Variants in LYRM4 observed in about 807,000 individuals in gnomAD.
The protein encoded by LYRM4 is LYR motif-containing protein 4.
A neutral mutation model predicts 11.7 loss-of-function variants in LYRM4; 9 were observed. The observed-to-expected ratio is 0.77, with a 90% CI of 0.46 to 1.34. The LOEUF is 1.34. LYRM4 is among the 40% of genes most tolerant of loss of function. The pLI is 0.00. For synonymous variants in LYRM4, 42 were observed against 40.4 expected (o/e 1.04, Z -0.15); for missense variants, 133 against 112.5 (o/e 1.18, Z -0.82).
At chr6:5,183,830 C>T (rs1419576202) in intron 2 of LYRM4, among the ~76,000 whole-genome samples, 1 of 152,188 alleles carries the variant, frequency 6.6e-6, no homozygotes, top group Non-Finnish European at 1.5e-5. Flanking sequence ...TAGTAAGAAC[C>T]ACTGCAGATC....
intron 2 of LYRM4, among the ~76,000 whole-genome samples, chr6:5,165,177 C>T (rs199646608): frequency 2.6e-5 from 4 of 152,234 alleles, no homozygotes; most frequent in East Asian, 3.9e-4. Flanking sequence ...ATAAAAGTTA[C>T]ACCATATTCC....
chr6:5,257,613 C>T (rs1203708473), intron 1 of LYRM4, among the ~76,000 whole-genome samples: 1 of 152,190 alleles, frequency 6.6e-6, no homozygotes, highest in Non-Finnish European at 1.5e-5. Flanking sequence ...GCATTATGGC[C>T]TGAGCTCCAT....
At chr6:5,047,898 G>T in the LYRM4 span, among the ~76,000 whole-genome samples, 1 of 152,194 alleles carries the variant, frequency 6.6e-6, no homozygotes, top group Non-Finnish European at 1.5e-5. Context: ...CTGTGCCCTG[G>T]GTGGGGGTTA....
At chr6:5,150,252 T>C (rs955784271) in intron 2 of LYRM4, among the ~76,000 whole-genome samples, 2 of 152,350 alleles carry the variant, frequency 1.3e-5, no homozygotes, top group East Asian at 3.9e-4. Flanking sequence ...TCAAAGTTTC[T>C]AATGGCAAAC....
the LYRM4 span, among the ~76,000 whole-genome samples, chr6:5,065,263 T>TTACTG: frequency 0.29 from 44,263 of 151,900 alleles, 6,586 homozygotes; most frequent in Middle Eastern, 0.39. Flanking sequence ...TATGCATTCA[T>TTACTG]TACTGAAGGA....
chr6:5,148,644 G>C (rs910525949), intron 2 of LYRM4, among the ~76,000 whole-genome samples: 6 of 123,876 alleles, frequency 4.8e-5, no homozygotes, highest in African/African-American at 1.8e-4. Context: ...GACAGGTAAT[G>C]ACCTTTACAC....
chr6:5,086,008 G>C, the LYRM4 span: 3 of 1,517,902 alleles, frequency 2.0e-6, no homozygotes, highest in Admixed American at 4.0e-5. Flanking sequence ...CGAGGACCTG[G>C]AGCAGCTCGG....
intron 2 of LYRM4, among the ~76,000 whole-genome samples, chr6:5,115,472 T>C (rs1427707725): frequency 6.6e-6 from 1 of 152,220 alleles, no homozygotes; most frequent in Non-Finnish European, 1.5e-5. Flanking sequence ...TCTCCTGTTG[T>C]GTGGCCCTCT....
At chr6:5,049,964 G>A in the LYRM4 span, among the ~76,000 whole-genome samples, 29 of 152,350 alleles carry the variant, frequency 1.9e-4, 1 homozygote, top group East Asian at 5.2e-3. Context: ...CACCATGCCC[G>A]GCCTGGGCAG....
rs188185554 is a variant in LYRM4, at chr6:5,197,909, C to T, written c.207+18709G>A. 6.5e-3 allele frequency among the ~76,000 whole-genome samples: 977 copies of T among 151,002 alleles called. 4 individuals are homozygous for T. The highest frequency in any genetic ancestry group is 0.022 in the African/African-American group (909 of 40,690). ...AGGCAGCGCCGGGTGCGGTGGCTCACGCCTGTAATCCAGCACTTTGGGAGG... is the reference window on the plus strand; with the variant it reads ...AGGCAGCGCCGGGTGCGGTGGCTCATGCCTGTAATCCAGCACTTTGGGAGG... On this transcript the variant is annotated intron_variant, in intron 2 of 2. Coordinates refer to ENST00000330636, the MANE Select transcript of LYRM4 (RefSeq NM_020408.6).
chr6:5,197,923 C>T lies in LYRM4; in HGVS notation c.207+18695G>A, dbSNP rs1020228953. On this transcript the variant is annotated intron_variant, in intron 2 of 2. Transcript: ENST00000330636. ...GCGGTGGCTCACGCCTGTAATCCAG[C>T]ACTTTGGGAGGCTGAGGTGGGCGGA... Among the ~76,000 whole-genome samples the T allele has an allele frequency of 6.6e-5, 10 of 152,104 alleles. No individual in the cohort carries two copies. In the Middle Eastern group the frequency reaches 0.01, roughly 156 times the overall value.
the LYRM4 span, among the ~76,000 whole-genome samples, chr6:5,050,802 C>G: frequency 2.0e-5 from 3 of 152,132 alleles, no homozygotes; most frequent in Non-Finnish European, 4.4e-5. Context: ...ACAAAGCATA[C>G]AAACAGAAAA....
chr6:5,085,352 C>G, the LYRM4 span: 3 of 643,734 alleles, frequency 4.7e-6, no homozygotes, highest in Non-Finnish European at 5.2e-6. Context: ...GTTGTCTTGT[C>G]GAGCCTGGGG....
the LYRM4 span, among the ~76,000 whole-genome samples, chr6:5,071,961 T>G: frequency 6.6e-6 from 1 of 152,156 alleles, no homozygotes; most frequent in Non-Finnish European, 1.5e-5. Flanking sequence ...CTGTTCTTCC[T>G]GATCCTCTCC....
chr6:5,107,328 C>T (rs974477179), downstream of LYRM4: 1 of 152,228 alleles, frequency 6.6e-6, no homozygotes, highest in African/African-American at 2.4e-5. Context: ...GAGCTGTTAT[C>T]TTGCCGGCAA....
chr6:5,065,371 A>G, the LYRM4 span, among the ~76,000 whole-genome samples: 2 of 152,152 alleles, frequency 1.3e-5, no homozygotes, highest in African/African-American at 4.8e-5. Flanking sequence ...ATTAAAATTT[A>G]AACAATTTCA....
At chr6:5,142,814 G>A (rs1344485381) in intron 2 of LYRM4, among the ~76,000 whole-genome samples, 2 of 152,146 alleles carry the variant, frequency 1.3e-5, no homozygotes, top group African/African-American at 4.8e-5. Flanking sequence ...AGCCCAGGAT[G>A]CTTTCCCTAC....
chr6:5,202,862 T>G (rs750256878), intron 2 of LYRM4, among the ~76,000 whole-genome samples: 1 of 152,224 alleles, frequency 6.6e-6, no homozygotes, highest in Non-Finnish European at 1.5e-5. Context: ...TTCAAGTTTG[T>G]GGAATCTAGT....
intron 2 of LYRM4, among the ~76,000 whole-genome samples, chr6:5,151,064 A>G (rs182143242): frequency 6.7e-6 from 1 of 150,008 alleles, no homozygotes; most frequent in East Asian, 2.0e-4. Context: ...GGGCTCCAAA[A>G]TGCCTTTTGT....
Sources: gnomAD v4.1 joint callset for allele counts (sites outside exome capture counted in the v4.1 genomes callset) on GRCh38, gnomAD v4.1.1 for gene constraint, MANE v1.5 for transcripts, NCBI Gene and HGNC (gene_info 2026-07-23, HGNC 2026-07-21) for gene names.